FBXL2: variants seen among roughly 807,000 people sequenced by gnomAD.
FBXL2 encodes the protein F-box and leucine rich repeat protein 2.
A neutral mutation model predicts 69.2 loss-of-function variants in FBXL2; 38 were observed. The observed-to-expected ratio is 0.55, with a 90% CI of 0.42 to 0.72. The LOEUF (loss-of-function observed/expected upper bound fraction) is 0.72, where lower values mean the gene tolerates loss of function less well. Ranked by LOEUF, FBXL2 falls within the 30% of genes least tolerant of loss-of-function variation. The pLI, the probability that FBXL2 is intolerant of heterozygous loss-of-function variation, is 0.00. For missense variants in FBXL2, 354 were observed against 520.3 expected (o/e 0.68, Z 3.11); for synonymous variants, 192 against 201.3 (o/e 0.95, Z 0.39).
chr3:33,280,135 C>T (rs1295693641), intron 1 of FBXL2, among the ~76,000 whole-genome samples: 1 of 152,204 alleles, frequency 6.6e-6, no homozygotes, highest in Admixed American at 6.5e-5. Context: ...CTTCTCTCCC[C>T]TCTTTCTTCT....
At chr3:33,413,546 C>CA in the FBXL2 span, among the ~76,000 whole-genome samples, 6,812 of 55,248 alleles carry the variant, frequency 0.12, 374 homozygotes, top group African/African-American at 0.2. Flanking sequence ...GACTCCATCA[C>CA]AAAAAAAAAA....
intron 2 of FBXL2, among the ~76,000 whole-genome samples, chr3:33,358,207 CCTT>C (rs796498802): frequency 1.5e-4 from 23 of 152,288 alleles, no homozygotes; most frequent in African/African-American, 5.1e-4. Context: ...CCCTGTCCAC[CCTT>C]CTTCTCACAG....
In FBXL2 at chr3:33,381,020, G is replaced by A. The variant is rs74853512; in HGVS notation, c.951+2279G>A. Among the ~76,000 whole-genome samples the A allele has an allele frequency of 4.0e-3, 607 of 152,220 alleles. 6 individuals carry two copies. The highest frequency in any genetic ancestry group is 0.013 in the African/African-American group (548 of 41,522). On this transcript the variant is annotated intron_variant, in intron 13 of 14. Transcript: ENST00000484457. ...CCAGACAGCTTTGACTATTGACTACGTTGTTAGTGTTAATATAGAAGGCCC... is the reference window on the plus strand; with the variant it reads ...CCAGACAGCTTTGACTATTGACTACATTGTTAGTGTTAATATAGAAGGCCC...
chr3:33,279,874 G>A (rs948619983), intron 1 of FBXL2, among the ~76,000 whole-genome samples: 1 of 152,098 alleles, frequency 6.6e-6, no homozygotes, highest in Admixed American at 6.6e-5. Flanking sequence ...GGCACAGAGA[G>A]GTAAAGTAAC....
At chr3:33,326,274 G>A (rs1429396124) in intron 2 of FBXL2, among the ~76,000 whole-genome samples, 2 of 152,080 alleles carry the variant, frequency 1.3e-5, no homozygotes, top group Admixed American at 1.3e-4. Context: ...GCCGAGGTGG[G>A]TGGATCACAA....
chr3:33,317,406 A>G (rs1178731467), intron 2 of FBXL2: 1 of 454,838 alleles, frequency 2.2e-6, no homozygotes, highest in African/African-American at 2.0e-5. Flanking sequence ...ATTCCTCTCC[A>G]TCAGATCTGG....
downstream of FBXL2, chr3:33,389,187 G>A (rs2043653912): frequency 6.6e-6 from 1 of 152,634 alleles, no homozygotes; most frequent in Non-Finnish European, 1.5e-5. Context: ...TATAGAGAAA[G>A]AAGCTAGTAT....
intron 2 of FBXL2, among the ~76,000 whole-genome samples, chr3:33,307,246 T>A (rs1575140537): frequency 6.6e-6 from 1 of 152,180 alleles, no homozygotes; most frequent in South Asian, 2.1e-4. Flanking sequence ...CAATATCATA[T>A]CTGTGGCATT....
At chr3:33,301,005 T>A (rs1427197091) in intron 2 of FBXL2, among the ~76,000 whole-genome samples, 7 of 152,100 alleles carry the variant, frequency 4.6e-5, no homozygotes, top group Admixed American at 2.6e-4. Context: ...GCCCGGCCTT[T>A]CCTAGCTACC....
At chr3:33,335,878 G>A (rs6785628) in intron 2 of FBXL2, among the ~76,000 whole-genome samples, 61,873 of 151,812 alleles carry the variant, frequency 0.41, 13,709 homozygotes, top group East Asian at 0.59. Context: ...AGATAATTTT[G>A]TGCTATTCAC....
intron 2 of FBXL2, among the ~76,000 whole-genome samples, chr3:33,347,648 A>C (rs1232784094): frequency 6.6e-6 from 1 of 152,140 alleles, no homozygotes; most frequent in Non-Finnish European, 1.5e-5. Flanking sequence ...ACAGTGTGTG[A>C]GGGTTCCCTT....
chr3:33,405,856 A>G (rs1454919157), downstream of FBXL2, among the ~76,000 whole-genome samples: 2 of 152,224 alleles, frequency 1.3e-5, no homozygotes, highest in Non-Finnish European at 2.9e-5. Flanking sequence ...GCAGAAATTA[A>G]GTCTCACCAA....
intron 5 of FBXL2, chr3:33,372,718 C>A: frequency 3.0e-6 from 1 of 333,002 alleles, no homozygotes; most frequent in Non-Finnish European, 5.6e-6. Flanking sequence ...AGATTTGCCC[C>A]CTTGGTTCAA....
chr3:33,406,148 C>G (rs1190576436), downstream of FBXL2, among the ~76,000 whole-genome samples: 1 of 152,286 alleles, frequency 6.6e-6, no homozygotes, highest in South Asian at 2.1e-4. Flanking sequence ...TGATGGCACA[C>G]ACACACCTGT....
At position 33,385,684 on chromosome 3, in the gene FBXL2, C is replaced by G; in HGVS notation, c.*76C>G. 1 of 1,134,440 alleles carries G rather than the reference C, an allele frequency of 8.8e-7. No homozygotes were observed. Among genetic ancestry groups the G allele is most frequent in the Non-Finnish European group, 1.3e-6 (1 of 750,878 alleles). The allele number at this position is 1,134,440 out of a possible 1,614,324, so 70.3% of individuals were successfully genotyped here. Reference sequence around the variant, plus strand: ...ACCTGAGTCTTCCTGACCGACTCCACCATCACCCAATCTGTTGATTCTCCA... The same window carrying G: ...ACCTGAGTCTTCCTGACCGACTCCAGCATCACCCAATCTGTTGATTCTCCA... On this transcript the variant is annotated 3_prime_UTR_variant, in exon 15 of 15. Coordinates refer to ENST00000484457, the MANE Select transcript of FBXL2 (RefSeq NM_012157.5).
intron 2 of FBXL2, among the ~76,000 whole-genome samples, chr3:33,298,696 CAA>C (rs1158732530): frequency 3.4e-4 from 16 of 47,258 alleles, no homozygotes; most frequent in South Asian, 7.3e-4. Flanking sequence ...AACTCTGTCT[CAA>C]AAAAAAAAAA....
At chr3:33,314,717 A>G (rs1353369311) in intron 2 of FBXL2, among the ~76,000 whole-genome samples, 6 of 152,236 alleles carry the variant, frequency 3.9e-5, no homozygotes, top group Non-Finnish European at 8.8e-5. Flanking sequence ...ATTTTATAAT[A>G]TTAAAATATC....
At chr3:33,362,118 TG>T (rs1239632912) in intron 4 of FBXL2, among the ~76,000 whole-genome samples, 1 of 152,166 alleles carries the variant, frequency 6.6e-6, no homozygotes, top group Non-Finnish European at 1.5e-5. Context: ...GTTGCATGAC[TG>T]GCACATGAAG....
intron 12 of FBXL2, among the ~76,000 whole-genome samples, chr3:33,394,814 CTTGTT>C (rs1553670555): frequency 8.2e-6 from 1 of 122,112 alleles, no homozygotes; most frequent in African/African-American, 3.4e-5. Context: ...CTGCCCTCCA[CTTGTT>C]TTTTTTTTTT....
Sources: allele counts gnomAD v4.1 joint callset (sites outside exome capture counted in the v4.1 genomes callset), GRCh38; gene constraint gnomAD v4.1.1; transcripts MANE v1.5; gene names NCBI Gene and HGNC (gene_info 2026-07-23, HGNC 2026-07-21).